Variants in SORCS2 observed in about 807,000 individuals in gnomAD.
SORCS2 encodes sortilin related VPS10 domain containing receptor 2, also known as VPS10 domain-containing receptor SorCS2.
SORCS2 carries 100 observed loss-of-function variants against 141.6 expected under a neutral mutation model. The observed-to-expected ratio is 0.71, with a 90% CI of 0.60 to 0.83. SORCS2 has a LOEUF of 0.83. Among genes scored for constraint, SORCS2 ranks in the 40% least tolerant of loss-of-function variants. SORCS2 has a pLI of 0.00. For missense variants in SORCS2, 1,646 were observed against 1,560.2 expected (o/e 1.05, Z -0.93); for synonymous variants, 789 against 676.9 (o/e 1.17, Z -2.57).
intron 2 of SORCS2, among the ~76,000 whole-genome samples, chr4:7,410,388 G>T (rs1436782779): frequency 6.6e-6 from 1 of 152,218 alleles, no homozygotes; most frequent in East Asian, 1.9e-4. Flanking sequence ...GACAAGCATG[G>T]AAAGTCCTCT....
At chr4:7,736,338 C>T (rs879469780) in intron 25 of SORCS2, among the ~76,000 whole-genome samples, 1 of 152,246 alleles carries the variant, frequency 6.6e-6, no homozygotes, top group Non-Finnish European at 1.5e-5. Flanking sequence ...CCCTCTGTCA[C>T]CCTCAGAGCT....
intron 3 of SORCS2, among the ~76,000 whole-genome samples, chr4:7,547,760 G>A (rs1713373993): frequency 6.6e-6 from 1 of 152,168 alleles, no homozygotes; most frequent in Admixed American, 6.5e-5. Flanking sequence ...GCCTGTCTGG[G>A]GCTCTGCATC....
chr4:7,582,387 C>T lies in SORCS2; in HGVS notation c.648+50758C>T, dbSNP rs376049444. ...TCATGATTATGTCACACTTCACTTA[C>T]CCTTCTCCAGGTAGTTGAACATCTG... On this transcript the variant is annotated intron_variant, in intron 3 of 26. Transcript: ENST00000507866. 3.3e-5 allele frequency among the ~76,000 whole-genome samples: 5 copies of T among 152,320 alleles called. 1 individual carries two copies. Among genetic ancestry groups the T allele is most frequent in the African/African-American group, 1.2e-4 (5 of 41,558 alleles).
intron 10 of SORCS2, among the ~76,000 whole-genome samples, chr4:7,684,942 C>T (rs1442984420): frequency 6.6e-6 from 1 of 152,118 alleles, no homozygotes; most frequent in African/African-American, 2.4e-5. Context: ...CCAGGGCAAC[C>T]CCTTGCTCTA....
intron 9 of SORCS2, among the ~76,000 whole-genome samples, chr4:7,677,183 A>T (rs1222904329): frequency 1.3e-5 from 2 of 151,834 alleles, no homozygotes; most frequent in African/African-American, 4.8e-5. Context: ...CTCAGATGGG[A>T]GCCTTCCTCG....
At position 7,328,192 on chromosome 4, in the gene SORCS2, A is replaced by ATTT. The variant is rs377012517; in HGVS notation, c.481-68082_481-68080dup. On this transcript the variant is annotated intron_variant, in intron 1 of 26. Coordinates refer to ENST00000507866, the MANE Select transcript of SORCS2 (RefSeq NM_020777.3). ...AGGCACCCACCACCATGCCTGGCTA[A>ATTT]TTTTTTTTTTTTTTTTCATTTTTAG... 3.2e-3 allele frequency among the ~76,000 whole-genome samples: 433 copies of ATTT among 134,028 alleles called. 1 individual carries two copies. Among genetic ancestry groups the ATTT allele is most frequent in the African/African-American group, 0.011 (411 of 36,382 alleles). The allele number at this position is 134,028 out of a possible 152,430, so 87.9% of individuals were successfully genotyped here. A position where few individuals can be genotyped will look rare whatever the true frequency, so the allele number is the denominator to read the frequency against.
intron 1 of SORCS2, among the ~76,000 whole-genome samples, chr4:7,243,920 G>C (rs905401753): frequency 2.0e-5 from 3 of 151,446 alleles, no homozygotes; most frequent in African/African-American, 7.2e-5. Flanking sequence ...GGCCTGGCCC[G>C]ATGGTGGGAT....
At chr4:7,348,604 T>G (rs972758847) in intron 1 of SORCS2, among the ~76,000 whole-genome samples, 6 of 152,180 alleles carry the variant, frequency 3.9e-5, no homozygotes, top group Non-Finnish European at 8.8e-5. Context: ...CAGGCTGGAG[T>G]GCAGTGGCGC....
At chr4:7,680,605 G>C (rs953210432) in intron 9 of SORCS2, among the ~76,000 whole-genome samples, 2 of 152,260 alleles carry the variant, frequency 1.3e-5, no homozygotes, top group Non-Finnish European at 2.9e-5. Flanking sequence ...CTACCCTCTA[G>C]ACCACAGCAT....
At chr4:7,680,306 A>G (rs10937853) in intron 9 of SORCS2, among the ~76,000 whole-genome samples, 68,520 of 151,970 alleles carry the variant, frequency 0.45, 16,186 homozygotes, top group African/African-American at 0.57. Flanking sequence ...CACGTGCCCC[A>G]CCCTCTCCCA....
intron 19 of SORCS2, among the ~76,000 whole-genome samples, chr4:7,724,758 T>C (rs1165040261): frequency 7.6e-6 from 1 of 131,156 alleles, no homozygotes; most frequent in Non-Finnish European, 1.6e-5. Context: ...ATGGTGGTGG[T>C]GTTGGTGATG....
chr4:7,271,810 G>A (rs991274878), intron 1 of SORCS2, among the ~76,000 whole-genome samples: 1 of 152,256 alleles, frequency 6.6e-6, no homozygotes, highest in Non-Finnish European at 1.5e-5. Context: ...TACGGCCTAT[G>A]CCGGGGCCCG....
intron 2 of SORCS2, chr4:7,433,766 C>T (rs756785608): frequency 3.1e-6 from 5 of 1,613,236 alleles, no homozygotes; most frequent in East Asian, 4.5e-5. Flanking sequence ...ACTGCCCGGG[C>T]CCGCCTCCGG....
intron 2 of SORCS2, among the ~76,000 whole-genome samples, chr4:7,440,844 A>G (rs1054055617): frequency 6.6e-6 from 1 of 152,122 alleles, no homozygotes; most frequent in African/African-American, 2.4e-5. Flanking sequence ...TCATTTTCCA[A>G]GCCCTGCTGG....
At chr4:7,327,744 G>A (rs1719364759) in intron 1 of SORCS2, among the ~76,000 whole-genome samples, 2 of 152,286 alleles carry the variant, frequency 1.3e-5, no homozygotes, top group Admixed American at 6.5e-5. Context: ...CCTCTCTGTG[G>A]CTTCCCCAAG....
At chr4:7,276,005 C>T (rs116095519) in intron 1 of SORCS2, among the ~76,000 whole-genome samples, 177 of 152,270 alleles carry the variant, frequency 1.2e-3, no homozygotes, top group East Asian at 4.1e-3. Flanking sequence ...GTGAAAACTT[C>T]GGGCTCAGTG....
chr4:7,381,102 G>A (rs1722968542), intron 1 of SORCS2, among the ~76,000 whole-genome samples: 1 of 135,332 alleles, frequency 7.4e-6, no homozygotes, highest in Non-Finnish European at 1.6e-5. Context: ...AAAAAAAGGA[G>A]TGGGTTAATT....
At chr4:7,531,977 G>A (rs1044867042) in intron 3 of SORCS2, among the ~76,000 whole-genome samples, 1 of 152,250 alleles carries the variant, frequency 6.6e-6, no homozygotes, top group Admixed American at 6.5e-5. Context: ...GGGAGCCCTC[G>A]GAAGGCAGTG....
chr4:7,416,678 ACT>A (rs1359591715), intron 2 of SORCS2, among the ~76,000 whole-genome samples: 2 of 152,018 alleles, frequency 1.3e-5, no homozygotes, highest in East Asian at 1.9e-4. Context: ...TTGTGTGCAC[ACT>A]CAGACACGCA....
Sources: allele counts gnomAD v4.1 joint callset (sites outside exome capture counted in the v4.1 genomes callset), GRCh38; gene constraint gnomAD v4.1.1; transcripts MANE v1.5; gene names NCBI Gene and HGNC (gene_info 2026-07-23, HGNC 2026-07-21).